Variants in TYW1B observed in about 807,000 individuals in gnomAD.
The protein encoded by TYW1B is tRNA-yW synthesizing protein 1 homolog B.
TYW1B carries 73 observed loss-of-function variants against 86.9 expected under a neutral mutation model. That is an observed-to-expected ratio of 0.84 (90% CI 0.70 to 1.02). The LOEUF is 1.02. Among genes scored for constraint, TYW1B ranks in the 50% least tolerant of loss-of-function variants. The probability of loss-of-function intolerance (pLI) is 0.00; values close to 1 mark genes in which losing one functional copy is unlikely to be tolerated. For missense variants in TYW1B, 637 were observed against 827.4 expected (o/e 0.77, Z 2.82); for synonymous variants, 248 against 292.8 (o/e 0.85, Z 1.56).
intron 12 of TYW1B, among the ~76,000 whole-genome samples, chr7:72,622,483 G>A (rs1812241953): frequency 6.6e-6 from 1 of 152,132 alleles, no homozygotes; most frequent in Non-Finnish European, 1.5e-5. Context: ...GCTCAAGGAG[G>A]ATGAATAACC....
At chr7:72,601,464 T>C (rs1363169031) in intron 13 of TYW1B, among the ~76,000 whole-genome samples, 1 of 152,118 alleles carries the variant, frequency 6.6e-6, no homozygotes, top group Non-Finnish European at 1.5e-5. Context: ...AGACAGTTTT[T>C]TACAACACTT....
chr7:72,694,576 A>G, intron 11 of TYW1B, 111 bp downstream of exon 11: 1 of 1,322,530 alleles, frequency 7.6e-7, no homozygotes, highest in South Asian at 2.3e-5. Flanking sequence ...TTTATTTTAA[A>G]GAGAAAAGAG....
At chr7:72,820,093 G>A (rs1788800430) in intron 2 of TYW1B, among the ~76,000 whole-genome samples, 1 of 152,086 alleles carries the variant, frequency 6.6e-6, no homozygotes, top group Admixed American at 6.6e-5. Context: ...TGACCAACAT[G>A]GTGAAACCCC....
At chr7:72,725,809 C>A (rs187585230) in intron 9 of TYW1B, among the ~76,000 whole-genome samples, 54 of 152,264 alleles carry the variant, frequency 3.5e-4, no homozygotes, top group African/African-American at 1.2e-3. Context: ...CAAGCCTCCA[C>A]AAATACATTA....
intron 13 of TYW1B, among the ~76,000 whole-genome samples, chr7:72,608,903 G>C (rs1232889493): frequency 1.3e-5 from 2 of 152,096 alleles, no homozygotes; most frequent in Non-Finnish European, 2.9e-5. Flanking sequence ...TTCTATCTGG[G>C]TCGTGGTGAT....
intron 11 of TYW1B, among the ~76,000 whole-genome samples, chr7:72,690,943 G>A (rs1814140638): frequency 6.6e-6 from 1 of 152,030 alleles, no homozygotes; most frequent in Admixed American, 6.6e-5. Flanking sequence ...AGTAGAGACG[G>A]GGTTTCACCA....
chr7:72,688,193 C>T (rs1276621081), intron 11 of TYW1B, among the ~76,000 whole-genome samples: 5 of 152,110 alleles, frequency 3.3e-5, no homozygotes, highest in African/African-American at 1.2e-4. Context: ...AAGTATGAGT[C>T]ATTTTCTTCA....
intron 6 of TYW1B, among the ~76,000 whole-genome samples, chr7:72,796,284 C>T (rs1195745435): frequency 1.4e-5 from 1 of 71,978 alleles, no homozygotes; most frequent in African/African-American, 4.3e-5. Context: ...CGCTCTGTCG[C>T]CTAGGCTGGA....
intron 2 of TYW1B, among the ~76,000 whole-genome samples, chr7:72,823,491 G>A (rs1554480924): frequency 1.3e-5 from 2 of 151,776 alleles, no homozygotes; most frequent in African/African-American, 4.8e-5. Flanking sequence ...GTAGTGGTGG[G>A]CGCCTATAGT....
intron 13 of TYW1B, among the ~76,000 whole-genome samples, chr7:72,588,283 T>G (rs1460702313): frequency 2.0e-5 from 3 of 152,250 alleles, no homozygotes; most frequent in Non-Finnish European, 4.4e-5. Flanking sequence ...TAATCTCCAA[T>G]TTTGTTGGAG....
rs1554428136 is a variant in TYW1B at position 72,574,816 on chromosome 7, C to G, written c.*682G>C. 4 of 985,298 alleles carry G rather than the reference C, an allele frequency of 4.1e-6. No individual in the cohort carries two copies. The African/African-American group carries it at 5.2e-5, about 13-fold the overall frequency. The allele number at this position is 985,298 out of a possible 1,614,324, so 61.0% of individuals were successfully genotyped here. Reference sequence around the variant, plus strand: ...TGCCCTCACATGGCCACTCCTCTTACAGCAGACAGCTTCACTCCGCTCCAG... The same window carrying G: ...TGCCCTCACATGGCCACTCCTCTTAGAGCAGACAGCTTCACTCCGCTCCAG... On this transcript the variant is annotated 3_prime_UTR_variant, in exon 14 of 14. Transcript: ENST00000620995.
rs144419672 is a variant in TYW1B, at chr7:72,585,392, T to C, written c.1786-9673A>G. Among the ~76,000 whole-genome samples, 599 of 152,294 alleles carry C rather than the reference T, an allele frequency of 3.9e-3. 3 individuals are homozygous for C. The highest frequency in any genetic ancestry group is 5.8e-3 in the Non-Finnish European group (395 of 68,020). On this transcript the variant is annotated intron_variant, in intron 13 of 13. Transcript: ENST00000620995. ...CACAAGCTATTTATTAGCATCAACA[T>C]TGGAGGTGGTTTGTATGACTATTCC...
chr7:72,678,619 CTTTTTTTTTTTT>C (rs56738372), intron 11 of TYW1B, among the ~76,000 whole-genome samples: 1 of 110,432 alleles, frequency 9.1e-6, no homozygotes. Flanking sequence ...AATTCCAGCA[CTTTTTTTTTTTT>C]TTTTTTTTTT....
chr7:72,789,140 C>T (rs1788177483), intron 6 of TYW1B, among the ~76,000 whole-genome samples: 2 of 150,494 alleles, frequency 1.3e-5, no homozygotes, highest in South Asian at 2.1e-4. Flanking sequence ...CTGGTGCAGA[C>T]GTGAATTTAT....
chr7:72,641,242 T>G (rs1812793158), intron 11 of TYW1B, among the ~76,000 whole-genome samples: 2 of 151,884 alleles, frequency 1.3e-5, no homozygotes, highest in African/African-American at 4.8e-5. Flanking sequence ...GACCTACAAG[T>G]CAAGAGATTG....
chr7:72,695,590 G>A (rs1554451312), intron 10 of TYW1B, among the ~76,000 whole-genome samples: 1 of 151,274 alleles, frequency 6.6e-6, no homozygotes, highest in African/African-American at 2.4e-5. Flanking sequence ...CTCCTACTAG[G>A]TCTTTTCCCC....
intron 8 of TYW1B, among the ~76,000 whole-genome samples, chr7:72,740,984 C>A (rs1204138653): frequency 6.6e-6 from 1 of 151,960 alleles, no homozygotes; most frequent in Non-Finnish European, 1.5e-5. Context: ...CCCACCTCGG[C>A]CTCCCAAAGT....
At chr7:72,773,610 C>T (rs1175779543) in intron 7 of TYW1B, among the ~76,000 whole-genome samples, 1 of 152,192 alleles carries the variant, frequency 6.6e-6, no homozygotes, top group East Asian at 1.9e-4. Context: ...TACAAAGAGA[C>T]TCCAAGAGTC....
At chr7:72,790,670 C>T (rs567693100) in intron 6 of TYW1B, among the ~76,000 whole-genome samples, 7 of 152,346 alleles carry the variant, frequency 4.6e-5, no homozygotes, top group Admixed American at 3.9e-4. Context: ...GTGACCAGTT[C>T]ATGGTTTATT....
Sources: gnomAD v4.1 joint callset for allele counts (sites outside exome capture counted in the v4.1 genomes callset) on GRCh38, gnomAD v4.1.1 for gene constraint, MANE v1.5 for transcripts, NCBI Gene and HGNC (gene_info 2026-07-23, HGNC 2026-07-21) for gene names.